VPS35L: variants seen among roughly 807,000 people sequenced by gnomAD.
VPS35L encodes the protein VPS35 endosomal protein-sorting factor-like.
Under a neutral mutation model 133.0 loss-of-function variants are expected in VPS35L, and 83 were observed. The observed-to-expected ratio is 0.62, with a 90% confidence interval of 0.52 to 0.75. The LOEUF (loss-of-function observed/expected upper bound fraction) is 0.75. Ranked by LOEUF, VPS35L falls within the 30% of genes least tolerant of loss-of-function variation. The pLI, the probability that VPS35L is intolerant of heterozygous loss-of-function variation, is 0.00. For synonymous variants in VPS35L, 423 were observed against 449.9 expected (o/e 0.94, Z 0.76); for missense variants, 1,083 against 1,206.8 (o/e 0.90, Z 1.52).
At chr16:19,676,627 C>G (rs1423181412) in intron 27 of VPS35L, among the ~76,000 whole-genome samples, 1 of 152,132 alleles carries the variant, frequency 6.6e-6, no homozygotes, top group African/African-American at 2.4e-5. Context: ...GTAGCACTAA[C>G]GATCTCGGAT....
chr16:19,675,018 A>G (rs1975015535), intron 27 of VPS35L, among the ~76,000 whole-genome samples: 1 of 149,130 alleles, frequency 6.7e-6, no homozygotes, highest in East Asian at 2.0e-4. Flanking sequence ...TGGCATAATC[A>G]CACTAGCGGC....
chr16:19,644,974 G>A (rs369742270), intron 23 of VPS35L, 25 bp downstream of exon 23: 1 of 1,492,272 alleles, frequency 6.7e-7, no homozygotes, highest in African/African-American at 1.4e-5. Context: ...AGAAGTTTCA[G>A]TGCACTTGGA....
chr16:19,608,758 A>T, intron 10 of VPS35L: 1 of 536,386 alleles, frequency 1.9e-6, no homozygotes, highest in Non-Finnish European at 3.3e-6. Context: ...CTATGAATCA[A>T]CGTATAACAT....
chr16:19,666,973 TTC>T (rs1219257592), intron 26 of VPS35L, among the ~76,000 whole-genome samples: 18,566 of 105,760 alleles, frequency 0.18, 1,760 homozygotes, highest in Non-Finnish European at 0.22. Context: ...TCTTCCTTTC[TTC>T]CTTTCTTTCT....
At chr16:19,611,622 G>A (rs1046715422) in intron 12 of VPS35L, 4 of 152,142 alleles carry the variant, frequency 2.6e-5, no homozygotes, top group African/African-American at 4.8e-5. Flanking sequence ...CTCAGAGTGA[G>A]GAGCAGATAT....
At chr16:19,650,348 T>A (rs1410024384) in intron 24 of VPS35L, 34 bp from the exon 25 acceptor site, 51 of 1,545,358 alleles carry the variant, frequency 3.3e-5, no homozygotes, top group Non-Finnish European at 4.6e-5. Flanking sequence ...CGGCCATCGC[T>A]TCATTACCAT....
chr16:19,681,598 CT>C, intron 27 of VPS35L, among the ~76,000 whole-genome samples: 1 of 152,314 alleles, frequency 6.6e-6, no homozygotes, highest in Middle Eastern at 3.4e-3. Context: ...AAGCTGCTTA[CT>C]TTTTTACACC....
At chr16:19,656,107 TAAAA>T (rs879854847) in intron 26 of VPS35L, among the ~76,000 whole-genome samples, 4 of 151,020 alleles carry the variant, frequency 2.6e-5, no homozygotes, top group Non-Finnish European at 4.4e-5. Context: ...TACTAAAAAT[TAAAA>T]AAATTAGGCA....
chr16:19,657,114 C>A (rs1482822490), intron 26 of VPS35L, among the ~76,000 whole-genome samples: 2 of 151,872 alleles, frequency 1.3e-5, no homozygotes, highest in East Asian at 3.9e-4. Context: ...TACAGGCGTG[C>A]ACCACCACAC....
Position 19,569,525 on chromosome 16 carries a change from C to T in VPS35L, c.219C>T (p.Leu73=), listed in dbSNP as rs779264667. Residue 73 remains leucine (L), a synonymous_variant, in exon 3 of 31, where the codon CTC becomes CTT. Coordinates refer to ENST00000417362, the MANE Select transcript of VPS35L (RefSeq NM_020314.7). ...SSVVDPLSSV[L]DGTDPLSMFA... is the part of the protein sequence containing the mutation. Reference sequence around the variant, plus strand: ...TGGTGGACCCGCTGAGCAGCGTCCTCGATGGGACTGACCCCCTCTCCATGT... The same window carrying T: ...TGGTGGACCCGCTGAGCAGCGTCCTTGATGGGACTGACCCCCTCTCCATGT... 3.0e-5 allele frequency: 48 copies of T among 1,609,156 alleles called. No homozygotes were observed. The highest frequency in any genetic ancestry group is 1.7e-4 in the Middle Eastern group (1 of 6,048).
chr16:19,613,603 T>C (rs1319157225), intron 12 of VPS35L, among the ~76,000 whole-genome samples: 1 of 152,180 alleles, frequency 6.6e-6, no homozygotes, highest in East Asian at 1.9e-4. Context: ...AGGAACCTTA[T>C]TGGAAAGTGT....
At chr16:19,608,418 C>T in intron 10 of VPS35L, 144 bp downstream of exon 10, 1 of 639,018 alleles carries the variant, frequency 1.6e-6, no homozygotes, top group South Asian at 1.9e-5. Context: ...AAAACACATA[C>T]AGGGCAAGCC....
rs1177794590 is a variant in VPS35L, at chr16:19,699,246, T to C, written c.2647-256T>C. The stretch of plus-strand genomic sequence containing the variant: ...TGGTGAGTTTCTTCCATTTCATGAG[T>C]AATGACCATCTGTGGGCACAGAGCT... On this transcript the variant is annotated intron_variant, in intron 29 of 30. Transcript: ENST00000417362. The surrounding 1 kb of genome is among the most constrained non-coding windows in gnomAD (Gnocchi z 4.2). The C allele has an allele frequency of 1.7e-5, 7 of 413,104 alleles. No homozygotes were observed. Among genetic ancestry groups the C allele is most frequent in the Non-Finnish European group, 3.2e-5 (7 of 221,836 alleles). 25.6% of individuals were successfully genotyped at this position (413,104 alleles called of 1,614,324 possible).
chr16:19,628,299 A>G (rs1344077587), intron 16 of VPS35L, among the ~76,000 whole-genome samples: 1 of 152,198 alleles, frequency 6.6e-6, no homozygotes, highest in African/African-American at 2.4e-5. Flanking sequence ...CAGGAGGTCA[A>G]GGCTGCAGTG....
intron 26 of VPS35L, among the ~76,000 whole-genome samples, chr16:19,657,553 T>C (rs1026845533): frequency 6.6e-6 from 1 of 152,190 alleles, no homozygotes; most frequent in African/African-American, 2.4e-5. Flanking sequence ...AGTTGTCTGC[T>C]TTTCCCCCTG....
intron 8 of VPS35L, among the ~76,000 whole-genome samples, chr16:19,593,675 G>A (rs979994791): frequency 2.6e-5 from 4 of 151,782 alleles, no homozygotes; most frequent in African/African-American, 9.7e-5. Flanking sequence ...CCAACACTTT[G>A]GGAGGCCGAG....
At chr16:19,594,989 G>A (rs974301424) in intron 8 of VPS35L, among the ~76,000 whole-genome samples, 1 of 152,132 alleles carries the variant, frequency 6.6e-6, no homozygotes. Context: ...CAGCTTGTGC[G>A]GAGATCCTGG....
At chr16:19,624,434 A>C (rs1284790741) in intron 14 of VPS35L, among the ~76,000 whole-genome samples, 1 of 151,860 alleles carries the variant, frequency 6.6e-6, no homozygotes, top group Non-Finnish European at 1.5e-5. Flanking sequence ...AATACAAAAA[A>C]ATTAGCCAGG....
At chr16:19,648,311 T>C (rs977392719) in intron 24 of VPS35L, among the ~76,000 whole-genome samples, 1 of 152,190 alleles carries the variant, frequency 6.6e-6, no homozygotes, top group Non-Finnish European at 1.5e-5. Context: ...TTCTCTATGG[T>C]ATGAAAGGTG....
Sources: allele counts gnomAD v4.1 joint callset (sites outside exome capture counted in the v4.1 genomes callset), GRCh38; gene constraint gnomAD v4.1.1; non-coding constraint Gnocchi (gnomAD v3.1); transcripts MANE v1.5; gene names NCBI Gene and HGNC (gene_info 2026-07-23, HGNC 2026-07-21).